RIPK3: variants seen among roughly 807,000 people sequenced by gnomAD.
RIPK3 encodes receptor interacting serine/threonine kinase 3.
A neutral mutation model predicts 51.6 loss-of-function variants in RIPK3; 51 were observed. The observed-to-expected ratio is 0.99, with a 90% CI of 0.79 to 1.25. The LOEUF (loss-of-function observed/expected upper bound fraction) is 1.25, where lower values mean the gene tolerates loss of function less well. RIPK3 is among the 50% of genes most tolerant of loss of function. The pLI, the probability that RIPK3 is intolerant of heterozygous loss-of-function variation, is 0.00. For missense variants in RIPK3, 654 were observed against 650.4 expected (o/e 1.01, Z -0.06); for synonymous variants, 246 against 257.7 (o/e 0.95, Z 0.44).
chr14:24,337,289 G>T lies in RIPK3; in HGVS notation c.1072C>A (p.Pro358Thr), dbSNP rs1408339451. The change falls in exon 8 of 10, where the codon CCC becomes ACC. Residue 358 changes from proline (P) to threonine (T), a missense_variant. Physicochemically the swap from Pro to Thr is conservative, Grantham distance 38. Coordinates refer to ENST00000216274, the MANE Select transcript of RIPK3 (RefSeq NM_006871.4). Reference protein sequence around the residue: ...WLNKLNLEEPPSSVPKKCPSL... With the variant: ...WLNKLNLEEPTSSVPKKCPSL... ...GGGCATTTTTTAGGAACAGAGCTGG[G>T]AGGCTCCTCTAGATTCAGTTTGTTT... The T allele has an allele frequency of 2.5e-6, 4 of 1,613,970 alleles. No individual in the cohort carries two copies. The highest frequency in any genetic ancestry group is 2.5e-6 in the Non-Finnish European group (3 of 1,180,038).
At chr14:24,336,469 A>G (rs1230660352) in intron 9 of RIPK3, 74 bp from the exon 10 acceptor site, 16 of 1,563,226 alleles carry the variant, frequency 1.0e-5, no homozygotes, top group Admixed American at 3.5e-5. Context: ...GGTGGGGAGT[A>G]TGAAGTCTCT....
chr14:24,339,754 C>T lies in RIPK3; in HGVS notation c.20+53G>A. ...ACGTTCTCTGAGCGAGTCTGTGGGG[C>T]TCTCTGGGTGTGAATGTCGGAGGCT... On this transcript the variant is annotated intron_variant, in intron 1 of 9. Transcript: ENST00000216274. The surrounding 1 kb of genome is among the most constrained non-coding windows in gnomAD (Gnocchi z 4.0). 6.4e-7 allele frequency: 1 copy of T among 1,565,854 alleles called. No homozygotes were observed. The highest frequency in any genetic ancestry group is 8.6e-7 in the Non-Finnish European group (1 of 1,156,364).
At chr14:24,336,564 G>T in intron 9 of RIPK3, 169 bp from the exon 10 acceptor site, 2 of 986,874 alleles carry the variant, frequency 2.0e-6, no homozygotes, top group Non-Finnish European at 1.5e-6. Flanking sequence ...AAGCTCTAGA[G>T]AGTGGCAATT....
Position 24,337,408 on chromosome 14 carries a change from G to C in RIPK3, c.953C>G (p.Pro318Arg), listed in dbSNP as rs114872465. ...TTCTGTCCCTCCTTGGCCTGACTCT[G>C]GGATAGAAAATCTCCTATTGCTGCT... ...LRSSNRRFSI[P>R]ESGQGGTEMD... The change falls in exon 8 of 10, where the codon CCA becomes CGA. Residue 318 changes from proline to arginine, a missense_variant. Physicochemically the swap from Pro to Arg is moderately radical, Grantham distance 103 (BLOSUM62 -2). Transcript: ENST00000216274. 2.5e-6 allele frequency: 4 copies of C among 1,613,982 alleles called. No homozygotes were observed. The Admixed American group carries it at 6.7e-5, about 27-fold the overall frequency.
chr14:24,337,671 G>C (rs2042149719), intron 7 of RIPK3, 24 bp downstream of exon 7: 5 of 1,585,754 alleles, frequency 3.2e-6, no homozygotes, highest in Non-Finnish European at 2.6e-6. Flanking sequence ...CCAGCTCCTG[G>C]GGAGGGGTGA....
At position 24,338,538 on chromosome 14, in the gene RIPK3, C is replaced by G. The variant is rs1161554065; in HGVS notation, c.501G>C (p.Gln167His). The G allele has an allele frequency of 2.5e-6, 4 of 1,609,188 alleles. No individual in the cohort carries two copies. Among genetic ancestry groups the G allele is most frequent in the Non-Finnish European group, 3.4e-6 (4 of 1,176,264 alleles). The part of the protein sequence containing the change: ...KLADFGLSTF[Q>H]GGSQSGTGSG... The stretch of plus-strand genomic sequence containing the variant: ...ACCCTGTCCCTGACTGTGAGCCTCC[C>G]TGAAATGTGGACAGGCCAAAATCTG... The change falls in exon 4 of 10, where the codon CAG becomes CAC. Residue 167 changes from glutamine (Q) to histidine (H), a missense_variant. Physicochemically the swap from Gln to His is conservative, Grantham distance 24. Transcript: ENST00000216274.
chr14:24,337,096 CG>C lies in RIPK3; in HGVS notation c.1264del (p.Arg422GlufsTer11). On this transcript the variant is annotated frameshift_variant, in exon 8 of 10. Transcript: ENST00000216274. LOFTEE classifies it high-confidence loss of function. ...TSTGTPSPGPRGNQGAERQGM... is the reference protein window; with the variant it reads ...TSTGTPSPGPXGNQGAERQGM... The stretch of plus-strand genomic sequence containing the variant: ...CTGTCAATGTCTCACCTGATTCCCT[CG>C]GGGTCCAGGACTTGGTGTTCCAGTT... 1 of 1,611,694 alleles carries C rather than the reference CG, an allele frequency of 6.2e-7. No homozygotes were observed. The highest frequency in any genetic ancestry group is 8.5e-7 in the Non-Finnish European group (1 of 1,179,934).
Position 24,337,480 on chromosome 14 carries a change from T to C in RIPK3, c.901-20A>G, listed in dbSNP as rs1209527471. 1.2e-6 allele frequency: 2 copies of C among 1,611,132 alleles called. No homozygotes were observed. The highest frequency in any genetic ancestry group is 1.7e-6 in the Non-Finnish European group (2 of 1,177,990). ...CTTTACCTGCAGGGATGGGAGGAGT[T>C]TGCTGGGTATGACTTGGATGAGCCA... On this transcript the variant is annotated intron_variant, in intron 7 of 9. Coordinates refer to ENST00000216274, the MANE Select transcript of RIPK3 (RefSeq NM_006871.4).
rs1211995766 is a variant in RIPK3 at position 24,339,615 on chromosome 14, C to T, written c.21-18G>A. The T allele has an allele frequency of 1.2e-6, 2 of 1,613,480 alleles. No individual in the cohort carries two copies. The highest frequency in any genetic ancestry group is 2.2e-5 in the South Asian group (2 of 91,070). ...CGCTGGGCCTGAGAGAGGGGTGTCG[C>T]CCACTAGCCGGCCGTGCCGTGCCTC... On this transcript the variant is annotated intron_variant, in intron 1 of 9. Transcript: ENST00000216274. This position sits in a 1 kb window ranked among gnomAD's most constrained non-coding sequence, Gnocchi z 4.0.
chr14:24,337,789 G>C, intron 6 of RIPK3, 27 bp from the exon 7 acceptor site: 3 of 1,614,002 alleles, frequency 1.9e-6, no homozygotes, highest in Non-Finnish European at 2.5e-6. Context: ...GTGGAGTGCA[G>C]GTGAGCAAAT....
At position 24,337,423 on chromosome 14, in the gene RIPK3, C is replaced by T. The variant is rs141301753; in HGVS notation, c.938G>A (p.Arg313Lys). 47 of 1,613,836 alleles carry T rather than the reference C, an allele frequency of 2.9e-5. No individual in the cohort carries two copies. Among genetic ancestry groups the T allele is most frequent in the African/African-American group, 5.3e-5 (4 of 74,906 alleles). ...DFLSQLRSSN[R>K]RFSIPESGQG... ...GCCTGACTCTGGGATAGAAAATCTC[C>T]TATTGCTGCTCCTGAGCTGAGACAG... is the stretch of plus-strand genomic sequence containing the variant. The change falls in exon 8 of 10, where the codon AGG becomes AAG. Residue 313 changes from arginine (R) to lysine (K), a missense_variant. Transcript: ENST00000216274.
intron 9 of RIPK3, 42 bp from the exon 10 acceptor site, chr14:24,336,437 C>A: frequency 6.3e-7 from 1 of 1,593,148 alleles, no homozygotes; most frequent in South Asian, 1.1e-5. Flanking sequence ...GTTTAGCTGT[C>A]AGAAAGGCCA....
Position 24,339,504 on chromosome 14 carries a change from C to A in RIPK3, c.114G>T (p.Ala38=). 6.2e-7 allele frequency: 1 copy of A among 1,614,200 alleles called. No individual in the cohort carries two copies. The highest frequency in any genetic ancestry group is 8.5e-7 in the Non-Finnish European group (1 of 1,180,022). ...GKGGFGTVFR[A]QHRKWGYDVA... ...CATCGTAGCCCCACTTCCTATGTTGCGCCCGGAACACTGTGCCGAACCCGC... is the reference window on the plus strand; with the variant it reads ...CATCGTAGCCCCACTTCCTATGTTGAGCCCGGAACACTGTGCCGAACCCGC... The change falls in exon 2 of 10, where the codon GCG becomes GCT. Residue 38 remains alanine, a synonymous_variant. Coordinates refer to ENST00000216274, the MANE Select transcript of RIPK3 (RefSeq NM_006871.4). This position sits in a 1 kb window ranked among gnomAD's most constrained non-coding sequence, Gnocchi z 4.0.
At position 24,336,903 on chromosome 14, in the gene RIPK3, C is replaced by A. The variant is rs373318282; in HGVS notation, c.1318G>T (p.Glu440Ter). Reference protein sequence around the residue: ...QGMNWSCRTPEPNPVTGRPLV... With the variant: ...QGMNWSCRTP The stretch of plus-strand genomic sequence containing the variant: ...TGGGTACCTGTTACTGGATTTGGCT[C>A]CGGGGTCCTGCAGGACCAGTTCATG... Residue 440 changes from glutamate (E) to a stop codon, truncating the protein, a stop_gained, in exon 9 of 10, where the codon GAG becomes TAG. Coordinates refer to ENST00000216274, the MANE Select transcript of RIPK3 (RefSeq NM_006871.4). LOFTEE classifies it low-confidence loss of function (END_TRUNC). 3 of 1,613,894 alleles carry A rather than the reference C, an allele frequency of 1.9e-6. No homozygotes were observed. The African/African-American group carries it at 4.0e-5, about 22-fold the overall frequency.
chr14:24,338,425 T>C lies in RIPK3; in HGVS notation c.614A>G (p.Tyr205Cys). The part of the protein sequence containing the change: ...NRKASTASDV[Y>C]SFGILMWAVL... Reference sequence around the variant, plus strand: ...GTGTTTGGGCCGGGATCCTTACCTGTAGACGTCACTGGCTGTGGAGGCCTT... The same window carrying C: ...GTGTTTGGGCCGGGATCCTTACCTGCAGACGTCACTGGCTGTGGAGGCCTT... Residue 205 changes from tyrosine (Y) to cysteine (C), a missense_variant, in exon 4 of 10, where the codon TAC (tyrosine) becomes TGC (cysteine). By Grantham distance (194) the Tyr-to-Cys change is radical. Coordinates refer to ENST00000216274, the MANE Select transcript of RIPK3 (RefSeq NM_006871.4). 6.2e-7 allele frequency: 1 copy of C among 1,611,880 alleles called. No homozygotes were observed. Among genetic ancestry groups the C allele is most frequent in the Non-Finnish European group, 8.5e-7 (1 of 1,178,296 alleles).
chr14:24,337,557 TC>T (rs750638219), intron 7 of RIPK3, 97 bp from the exon 8 acceptor site: 7 of 1,602,946 alleles, frequency 4.4e-6, no homozygotes, highest in Non-Finnish European at 6.0e-6. Flanking sequence ...GTCTGGGAAC[TC>T]AGGGGTGGGC....
In RIPK3 at chr14:24,338,416, C is replaced by G; in HGVS notation, c.617+6G>C. ...CCTGGCTGTGTGTTTGGGCCGGGAT[C>G]CTTACCTGTAGACGTCACTGGCTGT... On this transcript the variant is annotated splice_donor_region_variant and intron_variant, in intron 4 of 9. Coordinates refer to ENST00000216274, the MANE Select transcript of RIPK3 (RefSeq NM_006871.4). 2 of 1,608,908 alleles carry G rather than the reference C, an allele frequency of 1.2e-6. No homozygotes were observed. Among genetic ancestry groups the G allele is most frequent in the Non-Finnish European group, 1.7e-6 (2 of 1,176,116 alleles).
Position 24,339,021 on chromosome 14 carries a change from G to C in RIPK3, c.465C>G (p.His155Gln). 6.2e-7 allele frequency: 1 copy of C among 1,613,632 alleles called. No individual in the cohort carries two copies. The highest frequency in any genetic ancestry group is 1.1e-5 in the South Asian group (1 of 91,072). The change falls in exon 3 of 10, where the codon CAC becomes CAG. Residue 155 changes from histidine to glutamine, a missense_variant. By Grantham distance (24) the His-to-Gln change is conservative. Transcript: ENST00000216274. The surrounding 1 kb of genome is among the most constrained non-coding windows in gnomAD (Gnocchi z 4.0). ...PSNVLLDPELHVKLADFGLST... is the reference protein window; with the variant it reads ...PSNVLLDPELQVKLADFGLST... ...GGGGTGTAGACCAGCTGACCTTGAC[G>C]TGCAGCTCTGGGTCCAGCAGGACGT...
At position 24,339,853 on chromosome 14, in the gene RIPK3, T is replaced by C. The variant is rs1468954563; in HGVS notation, c.-27A>G. ...AGGCTGGAAGGTGCCAGGGGGCCTCTGGAAATTGCGAGCCGTAGGAGATGG... is the reference window on the plus strand; with the variant it reads ...AGGCTGGAAGGTGCCAGGGGGCCTCCGGAAATTGCGAGCCGTAGGAGATGG... On this transcript the variant is annotated 5_prime_UTR_variant, in exon 1 of 10. Coordinates refer to ENST00000216274, the MANE Select transcript of RIPK3 (RefSeq NM_006871.4). This position sits in a 1 kb window ranked among gnomAD's most constrained non-coding sequence, Gnocchi z 4.0. The C allele has an allele frequency of 6.5e-7, 1 of 1,547,880 alleles. No homozygotes were observed.
Sources: allele counts gnomAD v4.1 joint callset, GRCh38; gene constraint gnomAD v4.1.1; non-coding constraint Gnocchi (gnomAD v3.1); transcripts MANE v1.5; gene names NCBI Gene and HGNC (gene_info 2026-07-23, HGNC 2026-07-21).